NALCN: variants seen among roughly 807,000 people sequenced by gnomAD.
NALCN encodes sodium leak channel, non-selective.
Under a neutral mutation model 225.3 loss-of-function variants are expected in NALCN, and 111 were observed. The observed-to-expected ratio is 0.49, with a 90% CI of 0.42 to 0.58. The LOEUF (loss-of-function observed/expected upper bound fraction) is 0.58. Ranked by LOEUF, NALCN falls within the 20% of genes least tolerant of loss-of-function variation. The pLI is 0.00. For missense variants in NALCN, 1,378 were observed against 2,202.4 expected (o/e 0.63, Z 7.49); for synonymous variants, 764 against 769.0 (o/e 0.99, Z 0.11).
At chr13:101,345,157 TCTATA>T in intron 7 of NALCN, 104 bp downstream of exon 7, 1 of 1,139,502 alleles carries the variant, frequency 8.8e-7, no homozygotes, top group East Asian at 2.5e-5. Flanking sequence ...TTGTATTTCT[TCTATA>T]CTACAGCCAG....
At chr13:101,108,003 T>C (rs1476685512) in intron 20 of NALCN, among the ~76,000 whole-genome samples, 1 of 148,628 alleles carries the variant, frequency 6.7e-6, no homozygotes, top group Non-Finnish European at 1.5e-5. Context: ...ACAACAAATA[T>C]GTATATTTAC....
intron 13 of NALCN, among the ~76,000 whole-genome samples, chr13:101,223,036 A>T (rs2041004898): frequency 6.6e-6 from 1 of 152,106 alleles, no homozygotes; most frequent in Admixed American, 6.6e-5. Flanking sequence ...CACCAAACAC[A>T]ACAACTAATC....
chr13:101,388,040 G>C (rs2047043707), intron 3 of NALCN, among the ~76,000 whole-genome samples: 1 of 152,108 alleles, frequency 6.6e-6, no homozygotes, highest in African/African-American at 2.4e-5. Flanking sequence ...CATGTTTGAA[G>C]AAGTCTGTAG....
intron 3 of NALCN, among the ~76,000 whole-genome samples, chr13:101,388,283 C>T (rs1037553919): frequency 6.6e-6 from 1 of 152,126 alleles, no homozygotes; most frequent in African/African-American, 2.4e-5. Flanking sequence ...TGAAGTTGAG[C>T]TGACTACTTC....
intron 17 of NALCN, among the ~76,000 whole-genome samples, chr13:101,132,559 G>A (rs570288735): frequency 7.2e-5 from 11 of 152,126 alleles, no homozygotes; most frequent in East Asian, 1.9e-4. Flanking sequence ...CTGTGCTGAG[G>A]TGATATATAC....
At chr13:101,183,422 A>G (rs2039320167) in intron 14 of NALCN, among the ~76,000 whole-genome samples, 1 of 152,138 alleles carries the variant, frequency 6.6e-6, no homozygotes, top group Non-Finnish European at 1.5e-5. Context: ...TGCATTATTT[A>G]TTTCTTAATA....
intron 14 of NALCN, chr13:101,180,815 G>A (rs1172385361): frequency 2.9e-6 from 1 of 339,150 alleles, no homozygotes; most frequent in East Asian, 7.5e-5. Flanking sequence ...TGAGGTGTGT[G>A]GGCATCTCCC....
intron 15 of NALCN, among the ~76,000 whole-genome samples, chr13:101,156,174 T>C (rs1226202059): frequency 7.0e-6 from 1 of 141,954 alleles, no homozygotes; most frequent in Non-Finnish European, 1.5e-5. Context: ...TCTATCTATT[T>C]TGTTTGTTTG....
rs1393704742 is a variant in NALCN at position 101,242,736 on chromosome 13, T to C, written c.1267-4814A>G. Among the ~76,000 whole-genome samples the C allele has an allele frequency of 7.5e-5, 8 of 106,852 alleles. 3 individuals are homozygous for C. The highest frequency in any genetic ancestry group is 2.7e-4 in the African/African-American group (8 of 29,790). 70.1% of individuals were successfully genotyped at this position (106,852 alleles called of 152,430 possible). A position where few individuals can be genotyped will look rare whatever the true frequency, so the allele number is the denominator to read the frequency against. On this transcript the variant is annotated intron_variant, in intron 11 of 43. Coordinates refer to ENST00000251127, the MANE Select transcript of NALCN (RefSeq NM_052867.4). ...TGATTAGCACACTTTAAAGTAGTTT[T>C]CTCAAATAAATACAAAGGGTTTTAT...
chr13:101,276,696 C>A (rs1031943058), intron 10 of NALCN, among the ~76,000 whole-genome samples: 1 of 152,104 alleles, frequency 6.6e-6, no homozygotes, highest in Admixed American at 6.5e-5. Flanking sequence ...ATATTCTCCT[C>A]CACAAATGGC....
chr13:101,090,113 C>T, intron 28 of NALCN, 147 bp from the exon 29 acceptor site: 2 of 1,155,282 alleles, frequency 1.7e-6, no homozygotes, highest in Non-Finnish European at 2.5e-6. Flanking sequence ...CGTGTGCGTG[C>T]ACACACACAT....
At chr13:101,263,844 C>T (rs1204609470) in intron 10 of NALCN, among the ~76,000 whole-genome samples, 1 of 152,158 alleles carries the variant, frequency 6.6e-6, no homozygotes, top group Non-Finnish European at 1.5e-5. Context: ...AAATCAGTAA[C>T]TCCAGCTTTA....
rs769247590 is a variant in NALCN at position 101,304,758 on chromosome 13, C to CTTTTT, written c.800-12397_800-12393dup. On this transcript the variant is annotated intron_variant, in intron 7 of 43. Coordinates refer to ENST00000251127, the MANE Select transcript of NALCN (RefSeq NM_052867.4). Reference sequence around the variant, plus strand: ...TGGCCTGGAATAATTTTTTTCTTTTCTTTTTTTTTTTTTTTTGAGACGGAA... The same window carrying CTTTTT: ...TGGCCTGGAATAATTTTTTTCTTTTCTTTTTTTTTTTTTTTTTTTTTGAGACGGAA... Among the ~76,000 whole-genome samples, 50 of 122,810 alleles carry CTTTTT rather than the reference C, an allele frequency of 4.1e-4. 1 individual carries two copies. The highest frequency in any genetic ancestry group is 1.7e-3 in the East Asian group (7 of 4,140). The allele number at this position is 122,810 out of a possible 152,430, so 80.6% of individuals were successfully genotyped here. A position where few individuals can be genotyped will look rare whatever the true frequency, so the allele number is the denominator to read the frequency against.
rs141745391 is a variant in NALCN at position 101,323,135 on chromosome 13, A to G, written c.799+22131T>C. 8.3e-4 allele frequency among the ~76,000 whole-genome samples: 127 copies of G among 152,296 alleles called. 1 individual carries two copies. The Middle Eastern group carries it at 0.017, about 20-fold the overall frequency. On this transcript the variant is annotated intron_variant, in intron 7 of 43. Transcript: ENST00000251127. ...CATTATTAACATCTTATAATCCAAT[A>G]ATAATATGATTTTATTTCACATATG...
Position 101,055,215 on chromosome 13 carries a change from A to T in NALCN, c.*80T>A. On this transcript the variant is annotated 3_prime_UTR_variant, in exon 44 of 44. Transcript: ENST00000251127. Reference sequence around the variant, plus strand: ...GCTGGAATTCAGTTATAGATCAATTACAGATTGCTCACTGGACAATCAAGG... The same window carrying T: ...GCTGGAATTCAGTTATAGATCAATTTCAGATTGCTCACTGGACAATCAAGG... 9.1e-7 allele frequency: 1 copy of T among 1,095,974 alleles called. No homozygotes were observed. The highest frequency in any genetic ancestry group is 1.3e-6 in the Non-Finnish European group (1 of 747,842). 67.9% of individuals were successfully genotyped at this position (1,095,974 alleles called of 1,614,324 possible).
At chr13:101,149,844 A>G (rs932210986) in intron 15 of NALCN, among the ~76,000 whole-genome samples, 7 of 152,204 alleles carry the variant, frequency 4.6e-5, no homozygotes, top group African/African-American at 1.7e-4. Context: ...TGTTATTAAG[A>G]GAGAAGCAGC....
intron 18 of NALCN, among the ~76,000 whole-genome samples, chr13:101,120,292 A>C (rs1227816962): frequency 6.6e-6 from 1 of 152,196 alleles, no homozygotes; most frequent in Non-Finnish European, 1.5e-5. Context: ...CCTCTGCGTC[A>C]ATATGACTTG....
chr13:101,228,295 C>T (rs17485827), intron 13 of NALCN, among the ~76,000 whole-genome samples: 2 of 151,964 alleles, frequency 1.3e-5, no homozygotes, highest in South Asian at 2.1e-4. Flanking sequence ...GAAGTACAGA[C>T]CCTTTTGCTG....
At chr13:101,250,062 A>G (rs2042016552) in intron 11 of NALCN, among the ~76,000 whole-genome samples, 3 of 152,128 alleles carry the variant, frequency 2.0e-5, no homozygotes, top group Non-Finnish European at 2.9e-5. Context: ...AATATAAAAA[A>G]TTAATATTAT....
Sources: allele counts gnomAD v4.1 joint callset (sites outside exome capture counted in the v4.1 genomes callset), GRCh38; gene constraint gnomAD v4.1.1; transcripts MANE v1.5; gene names NCBI Gene and HGNC (gene_info 2026-07-23, HGNC 2026-07-21).